CPSF1: variants seen among roughly 807,000 people sequenced by gnomAD.
CPSF1 encodes the protein cleavage and polyadenylation specific factor 1.
CPSF1 carries 106 observed loss-of-function variants against 175.8 expected under a neutral mutation model. The ratio of observed to expected loss-of-function variants is 0.60; its 90% CI spans 0.52 to 0.71. The LOEUF is 0.71. Among genes scored for constraint, CPSF1 ranks in the 30% least tolerant of loss-of-function variants. CPSF1 has a pLI of 0.00. For missense variants in CPSF1, 1,734 were observed against 2,022.9 expected (o/e 0.86, Z 2.74); for synonymous variants, 1,024 against 858.3 (o/e 1.19, Z -3.37).
intron 2 of CPSF1, among the ~76,000 whole-genome samples, chr8:144,407,165 G>A (rs1017263645): frequency 4.0e-4 from 61 of 151,002 alleles, no homozygotes; most frequent in African/African-American, 1.2e-3. Context: ...TCTACTACCT[G>A]CCTCGGCCTC....
Position 144,393,256 on chromosome 8 carries a change from G to A in CPSF1, c.*62C>T. ...TCAAGCAAAAAATGTTTTTCCTTGT[G>A]TTTTGTACAAAAAGGGGGTGGGAGG... On this transcript the variant is annotated 3_prime_UTR_variant, in exon 38 of 38. Transcript: ENST00000616140. The A allele has an allele frequency of 5.6e-6, 8 of 1,439,544 alleles. No individual in the cohort carries two copies. Among genetic ancestry groups the A allele is most frequent in the South Asian group, 1.4e-5 (1 of 69,780 alleles). The allele number at this position is 1,439,544 out of a possible 1,614,324, so 89.2% of individuals were successfully genotyped here. A position where few individuals can be genotyped will look rare whatever the true frequency, so the allele number is the denominator to read the frequency against.
chr8:144,398,485 C>T, intron 18 of CPSF1, 40 bp downstream of exon 18: 3 of 1,605,802 alleles, frequency 1.9e-6, no homozygotes, highest in Non-Finnish European at 2.5e-6. Context: ...CCGCAGGGGA[C>T]CCCAGCCCCA....
intron 7 of CPSF1, 41 bp from the exon 8 acceptor site, chr8:144,400,534 G>T (rs782316656): frequency 1.2e-6 from 2 of 1,610,052 alleles, no homozygotes; most frequent in Non-Finnish European, 1.7e-6. Context: ...TTGCCTCCCC[G>T]CAGAGACCCA....
chr8:144,393,280 G>A lies in CPSF1; in HGVS notation c.*38C>T, dbSNP rs780902842. ...TGTTTTGTACAAAAAGGGGGTGGGA[G>A]GTAGTTCCGTGTGCTGGTGGTGACG... On this transcript the variant is annotated 3_prime_UTR_variant, in exon 38 of 38. Transcript: ENST00000616140. The A allele has an allele frequency of 4.8e-6, 7 of 1,471,554 alleles. No individual in the cohort carries two copies. In the South Asian group the frequency reaches 8.3e-5, roughly 17 times the overall value. 91.2% of individuals were successfully genotyped at this position (1,471,554 alleles called of 1,614,324 possible). A position where few individuals can be genotyped will look rare whatever the true frequency, so the allele number is the denominator to read the frequency against.
chr8:144,401,332 C>A, intron 4 of CPSF1, 41 bp from the exon 5 acceptor site: 1 of 1,602,234 alleles, frequency 6.2e-7, no homozygotes, highest in Non-Finnish European at 8.5e-7. Context: ...GACTGCCGGT[C>A]CTGACAGTGT....
intron 2 of CPSF1, among the ~76,000 whole-genome samples, chr8:144,403,613 T>G (rs1554868067): frequency 6.6e-6 from 1 of 151,910 alleles, no homozygotes; most frequent in African/African-American, 2.4e-5. Context: ...AGGGCAGTAG[T>G]GTGATCTCAG....
rs782540107 is a variant in CPSF1 at position 144,396,823 on chromosome 8, A to C, written c.2682+17T>G. Reference sequence around the variant, plus strand: ...TACCACACCCACCCCACGCCCCAGCAGTCCAGCCACTGGCACCTTCTTAAA... The same window carrying C: ...TACCACACCCACCCCACGCCCCAGCCGTCCAGCCACTGGCACCTTCTTAAA... On this transcript the variant is annotated intron_variant, in intron 24 of 37. Transcript: ENST00000616140. 6.2e-7 allele frequency: 1 copy of C among 1,613,704 alleles called. No homozygotes were observed. The highest frequency in any genetic ancestry group is 8.5e-7 in the Non-Finnish European group (1 of 1,179,828).
rs2116862938 is a variant in CPSF1, at chr8:144,399,466, G to A, written c.1280C>T (p.Thr427Met). The A allele has an allele frequency of 8.1e-6, 13 of 1,612,932 alleles. No homozygotes were observed. The highest frequency in any genetic ancestry group is 2.2e-5 in the South Asian group (2 of 91,050). ...PPSKKKRVDATAGWSAAGKSV... is the reference protein window; with the variant it reads ...PPSKKKRVDAMAGWSAAGKSV... ...CCGGCCCTCACCTGACCAGCCGGCC[G>A]TCGCATCCACTCGCTTCTTCTTTGA... is the stretch of plus-strand genomic sequence containing the variant. The change falls in exon 13 of 38, where the codon ACG becomes ATG. Residue 427 changes from threonine to methionine, a missense_variant. Around this residue, in one of 10 missense-constraint regions of CPSF1, gnomAD observed 162 missense variants for 169.5 expected, o/e 0.96. Coordinates refer to ENST00000616140, the MANE Select transcript of CPSF1 (RefSeq NM_013291.3). This position sits in a 1 kb window ranked among gnomAD's most constrained non-coding sequence, Gnocchi z 6.4.
intron 2 of CPSF1, among the ~76,000 whole-genome samples, chr8:144,404,389 C>T (rs1172162020): frequency 1.3e-5 from 2 of 150,572 alleles, no homozygotes; most frequent in East Asian, 2.0e-4. Context: ...TTTTTTGAGA[C>T]GGAGTCTTGC....
chr8:144,397,447 G>A (rs1034836286), intron 22 of CPSF1, 34 bp from the exon 23 acceptor site: 5 of 1,583,962 alleles, frequency 3.2e-6, no homozygotes, highest in African/African-American at 2.7e-5. Context: ...GGAGGCAGGT[G>A]GGTGGAACCC....
chr8:144,405,548 C>T (rs1476997119), intron 2 of CPSF1, among the ~76,000 whole-genome samples: 3 of 152,058 alleles, frequency 2.0e-5, no homozygotes, highest in East Asian at 1.9e-4. Flanking sequence ...TGCTTGAACC[C>T]GGGAGGCAGA....
At chr8:144,402,960 C>T (rs1429727269) in intron 2 of CPSF1, among the ~76,000 whole-genome samples, 10 of 152,084 alleles carry the variant, frequency 6.6e-5, no homozygotes, top group Admixed American at 2.6e-4. Context: ...ACTAGATTTC[C>T]GCAAGAACAG....
intron 2 of CPSF1, among the ~76,000 whole-genome samples, chr8:144,402,791 T>C (rs1821291812): frequency 1.3e-5 from 2 of 150,542 alleles, no homozygotes; most frequent in Non-Finnish European, 3.0e-5. Context: ...CCCACTCATG[T>C]GGGGCTGACG....
Position 144,393,479 on chromosome 8 carries a change from G to A in CPSF1, c.4257C>T (p.Ala1419=), listed in dbSNP as rs1820465558. 6.4e-7 allele frequency: 1 copy of A among 1,564,748 alleles called. No homozygotes were observed. The highest frequency in any genetic ancestry group is 8.7e-7 in the Non-Finnish European group (1 of 1,155,812). Residue 1419 remains alanine, a synonymous_variant, in exon 37 of 38, where the codon GCC becomes GCT. Transcript: ENST00000616140. ...YLSTMERSEL[A]KKIGTTPDII... ...TGTCTGGTGTGGTGCCGATCTTCTTGGCTAGCTCGCTGCGCTCCATGGTGC... is the reference window on the plus strand; with the variant it reads ...TGTCTGGTGTGGTGCCGATCTTCTTAGCTAGCTCGCTGCGCTCCATGGTGC...
chr8:144,401,556 C>T lies in CPSF1; in HGVS notation c.180G>A (p.Lys60=). 6.2e-7 allele frequency: 1 copy of T among 1,613,702 alleles called. No individual in the cohort carries two copies. Among genetic ancestry groups the T allele is most frequent in the Non-Finnish European group, 8.5e-7 (1 of 1,179,870 alleles). Residue 60 remains lysine (K), a synonymous_variant, in exon 4 of 38, where the codon AAG becomes AAA. Coordinates refer to ENST00000616140, the MANE Select transcript of CPSF1 (RefSeq NM_013291.3). The part of the protein sequence containing the change: ...LTKNDRSTEG[K]AHREKLELAA... ...CAAGCTCGAGCTTCTCCCGGTGGGCCTTCCCCTCTAGGGGAGACACCAGGG... is the reference window on the plus strand; with the variant it reads ...CAAGCTCGAGCTTCTCCCGGTGGGCTTTCCCCTCTAGGGGAGACACCAGGG...
chr8:144,400,812 C>A lies in CPSF1; in HGVS notation c.545G>T (p.Arg182Met), dbSNP rs2116878571. The change falls in exon 7 of 38, where the codon AGG (arginine) becomes ATG (methionine). Residue 182 changes from arginine to methionine, a missense_variant. Physicochemically the swap from Arg to Met is moderately conservative, Grantham distance 91 (BLOSUM62 -1). This residue lies in a region of CPSF1 where 122 missense variants were observed against 177.2 expected (regional missense o/e 0.69). Coordinates refer to ENST00000616140, the MANE Select transcript of CPSF1 (RefSeq NM_013291.3). ...GATGTAGCTGGGCAGGAAGCTGGAC[C>A]TCTGCCTGGGGGGCCAGGGGCTTCA... ...EHEGLVGEGQRSSFLPSYIID... is the reference protein window; with the variant it reads ...EHEGLVGEGQMSSFLPSYIID... 12 of 1,613,510 alleles carry A rather than the reference C, an allele frequency of 7.4e-6. No individual in the cohort carries two copies. The highest frequency in any genetic ancestry group is 9.3e-6 in the Non-Finnish European group (11 of 1,179,944).
chr8:144,405,245 G>A (rs2116901358), intron 2 of CPSF1, among the ~76,000 whole-genome samples: 11 of 152,192 alleles, frequency 7.2e-5, no homozygotes, highest in African/African-American at 2.4e-4. Flanking sequence ...AAAGGCCTCC[G>A]CCGCCTCCTG....
rs781796308 is a variant in CPSF1 at position 144,393,815 on chromosome 8, G to C, written c.4016-19C>G. ...AGGGTGGCTGGCAGGGGTAGGGTGA[G>C]GGTTTTGGTGTGAGCCAGGCCAACC... On this transcript the variant is annotated intron_variant, in intron 35 of 37. Coordinates refer to ENST00000616140, the MANE Select transcript of CPSF1 (RefSeq NM_013291.3). The C allele has an allele frequency of 1.9e-5, 31 of 1,600,830 alleles. 2 individuals are homozygous for C. The South Asian group carries it at 3.2e-4, about 17-fold the overall frequency.
chr8:144,400,280 G>A lies in CPSF1; in HGVS notation c.827-4C>T. 6.2e-7 allele frequency: 1 copy of A among 1,606,666 alleles called. No individual in the cohort carries two copies. Among genetic ancestry groups the A allele is most frequent in the South Asian group, 1.1e-5 (1 of 90,872 alleles). On this transcript the variant is annotated splice_polypyrimidine_tract_variant and splice_region_variant and intron_variant, in intron 8 of 37. Transcript: ENST00000616140. ...ACGGCAAACACCACCACCCCACCTG[G>A]AGGTGGACACAGGCTGGTGGGCAGG...
Sources: gnomAD v4.1 joint callset for allele counts (sites outside exome capture counted in the v4.1 genomes callset) on GRCh38, gnomAD v4.1.1 for gene constraint, gnomAD v4.1.1 regional missense constraint, Gnocchi (gnomAD v3.1) non-coding constraint, MANE v1.5 for transcripts, NCBI Gene and HGNC (gene_info 2026-07-23, HGNC 2026-07-21) for gene names.